The following MEIS2 variants were observed in gnomAD, a reference collection of about 807,000 sequenced individuals.
MEIS2 encodes the protein Meis homeobox 2, also known as homeobox protein Meis2.
A neutral mutation model predicts 58.6 loss-of-function variants in MEIS2; 9 were observed. The observed-to-expected ratio is 0.15, with a 90% confidence interval of 0.09 to 0.27. The LOEUF (loss-of-function observed/expected upper bound fraction) is 0.27. Ranked by LOEUF, MEIS2 falls within the 10% of genes least tolerant of loss-of-function variation. The pLI is 1.00. For synonymous variants in MEIS2, 221 were observed against 228.4 expected (o/e 0.97, Z 0.29); for missense variants, 427 against 635.0 (o/e 0.67, Z 3.52).
At chr15:37,063,017 A>T (rs1889424221) in intron 7 of MEIS2, among the ~76,000 whole-genome samples, 1 of 152,172 alleles carries the variant, frequency 6.6e-6, no homozygotes, top group Non-Finnish European at 1.5e-5. Context: ...ATCAATACTT[A>T]CAGGGTGGAT....
At chr15:36,892,514 T>G in intron 11 of MEIS2, 55 bp from the exon 12 acceptor site, 1 of 1,411,314 alleles carries the variant, frequency 7.1e-7, no homozygotes, top group Non-Finnish European at 9.7e-7. Context: ...ATTTTTATAC[T>G]TTACCCATCA....
intron 8 of MEIS2, among the ~76,000 whole-genome samples, chr15:37,036,103 G>A (rs1045245470): frequency 2.0e-5 from 3 of 152,146 alleles, no homozygotes; most frequent in Admixed American, 1.3e-4. Context: ...TCAACAGTAT[G>A]TATCCACACA....
chr15:37,018,493 G>T (rs1363613798), intron 8 of MEIS2, among the ~76,000 whole-genome samples: 1 of 152,118 alleles, frequency 6.6e-6, no homozygotes, highest in East Asian at 1.9e-4. Context: ...GTTGGTTTTT[G>T]TGGAAAATGT....
intron 9 of MEIS2, among the ~76,000 whole-genome samples, chr15:36,936,754 T>G (rs970607575): frequency 6.6e-6 from 1 of 152,196 alleles, no homozygotes; most frequent in African/African-American, 2.4e-5. Flanking sequence ...GAATGCCCAG[T>G]TTTCTGAGGA....
rs372600557 is a variant in MEIS2, at chr15:37,059,914, G to A, written c.755-22955C>T. Reference sequence around the variant, plus strand: ...TGAGATCATGCCACTGCACTCCAGCGAGAGTCTGTCTCAAAAAAAAAAATT... The same window carrying A: ...TGAGATCATGCCACTGCACTCCAGCAAGAGTCTGTCTCAAAAAAAAAAATT... On this transcript the variant is annotated intron_variant, in intron 7 of 11. Coordinates refer to ENST00000561208, the MANE Select transcript of MEIS2 (RefSeq NM_170675.5). 5.8e-5 allele frequency among the ~76,000 whole-genome samples: 8 copies of A among 136,862 alleles called. No homozygotes were observed. In the South Asian group the frequency reaches 8.0e-4, roughly 14 times the overall value. The allele number at this position is 136,862 out of a possible 152,430, so 89.8% of individuals were successfully genotyped here.
At chr15:36,892,548 A>C in intron 11 of MEIS2, 89 bp from the exon 12 acceptor site, 6 of 1,212,068 alleles carry the variant, frequency 5.0e-6, no homozygotes, top group Non-Finnish European at 6.9e-6. Flanking sequence ...AAAAAAAAAA[A>C]AAACAACAGA....
chr15:36,973,386 A>T (rs1328264387), intron 8 of MEIS2, among the ~76,000 whole-genome samples: 3 of 152,180 alleles, frequency 2.0e-5, no homozygotes, highest in African/African-American at 7.2e-5. Flanking sequence ...TTTCACTAGG[A>T]AACAGTTAAA....
In MEIS2 at chr15:36,952,607, C is replaced by CTCTCTGTGTGTGTGTG. The variant is rs1490440825; in HGVS notation, c.901-2208_901-2207insCACACACACACAGAGA. On this transcript the variant is annotated intron_variant, in intron 8 of 11. Coordinates refer to ENST00000561208, the MANE Select transcript of MEIS2 (RefSeq NM_170675.5). ...AGAGTCTGTCTGTCTGTCTCTCTCT[C>CTCTCTGTGTGTGTGTG]TGTGTGTGTGTGTGTGTGTGTGTGT... Among the ~76,000 whole-genome samples the CTCTCTGTGTGTGTGTG allele has an allele frequency of 7.1e-5, 10 of 140,090 alleles. No homozygotes were observed. In the East Asian group the frequency reaches 2.1e-3, roughly 30 times the overall value. 91.9% of individuals were successfully genotyped at this position (140,090 alleles called of 152,430 possible).
In MEIS2 at chr15:37,057,946, A is replaced by T. The variant is rs574001351; in HGVS notation, c.755-20987T>A. 5.3e-5 allele frequency among the ~76,000 whole-genome samples: 8 copies of T among 152,292 alleles called. No individual in the cohort carries two copies. The East Asian group carries it at 1.5e-3, about 29-fold the overall frequency. ...AAATGGCCATTATAAACACAATGGT[A>T]TTTAGTAATAAGAGGAATCACCAAC... On this transcript the variant is annotated intron_variant, in intron 7 of 11. Transcript: ENST00000561208.
At chr15:36,984,620 T>G (rs73391579) in intron 8 of MEIS2, among the ~76,000 whole-genome samples, 1 of 152,200 alleles carries the variant, frequency 6.6e-6, no homozygotes, top group Non-Finnish European at 1.5e-5. Context: ...AGTTTGGAAG[T>G]GTTCCCTTCT....
rs2055883935 is a variant in MEIS2, at chr15:36,891,997, A to T, written c.*176T>A. ...ACAGAATTGTCTCAGTCAGCCCATG[A>T]TTTCACATTTGTGTTCTTGTTGCAT... is the stretch of plus-strand genomic sequence containing the variant. On this transcript the variant is annotated 3_prime_UTR_variant, in exon 12 of 12. Transcript: ENST00000561208. 2 of 692,030 alleles carry T rather than the reference A, an allele frequency of 2.9e-6. No homozygotes were observed. The highest frequency in any genetic ancestry group is 2.5e-6 in the Non-Finnish European group (1 of 402,486). The allele number at this position is 692,030 out of a possible 1,614,324, so 42.9% of individuals were successfully genotyped here. A position where few individuals can be genotyped will look rare whatever the true frequency, so the allele number is the denominator to read the frequency against.
chr15:36,897,714 C>T (rs1352312763), intron 9 of MEIS2: 2 of 152,188 alleles, frequency 1.3e-5, no homozygotes, highest in East Asian at 1.9e-4. Context: ...TCACTGACCA[C>T]GCATTTCGGA....
intron 6 of MEIS2, among the ~76,000 whole-genome samples, chr15:37,090,798 C>G (rs2141941700): frequency 6.6e-6 from 1 of 152,232 alleles, no homozygotes; most frequent in South Asian, 2.1e-4. Flanking sequence ...TGGCATACAA[C>G]AAATTAAACT....
At chr15:37,020,839 AAT>A (rs1451385398) in intron 8 of MEIS2, among the ~76,000 whole-genome samples, 1 of 152,070 alleles carries the variant, frequency 6.6e-6, no homozygotes, top group Non-Finnish European at 1.5e-5. Context: ...TTTGTCCTAA[AAT>A]ATTGTTAAGC....
At chr15:37,096,209 C>G (rs1324954847) in intron 3 of MEIS2, 80 bp downstream of exon 3, 51 of 1,440,642 alleles carry the variant, frequency 3.5e-5, no homozygotes, top group Non-Finnish European at 4.5e-5. Flanking sequence ...CTGGCCTTTC[C>G]TCCTTTCAAG....
intron 8 of MEIS2, among the ~76,000 whole-genome samples, chr15:36,991,734 T>C (rs912812998): frequency 4.7e-5 from 7 of 149,870 alleles, no homozygotes; most frequent in African/African-American, 1.5e-4. Context: ...CTCTTTAATC[T>C]AAGATGATTA....
At chr15:36,907,099 A>T (rs11638196) in intron 9 of MEIS2, among the ~76,000 whole-genome samples, 15,744 of 152,246 alleles carry the variant, frequency 0.1, 832 homozygotes, top group East Asian at 0.13. Flanking sequence ...TTAAAACTGG[A>T]ATAGGAAAAT....
At chr15:37,065,947 A>T (rs567687598) in intron 7 of MEIS2, among the ~76,000 whole-genome samples, 1 of 152,286 alleles carries the variant, frequency 6.6e-6, no homozygotes, top group Non-Finnish European at 1.5e-5. Flanking sequence ...ACTTATATAT[A>T]AGTTGATGAC....
At chr15:37,042,132 C>T (rs931273642) in intron 7 of MEIS2, among the ~76,000 whole-genome samples, 1 of 152,212 alleles carries the variant, frequency 6.6e-6, no homozygotes, top group Non-Finnish European at 1.5e-5. Context: ...GCCTGGGCAG[C>T]GGAGTAAGAC....
Sources: gnomAD v4.1 joint callset for allele counts (sites outside exome capture counted in the v4.1 genomes callset) on GRCh38, gnomAD v4.1.1 for gene constraint, MANE v1.5 for transcripts, NCBI Gene and HGNC (gene_info 2026-07-23, HGNC 2026-07-21) for gene names.